The following NCF1 variants were observed in gnomAD, a reference collection of about 807,000 sequenced individuals.
The protein encoded by NCF1 is neutrophil cytosol factor 1.
In NCF1, 8 loss-of-function variants were observed where a neutral mutation model predicts 34.9. The observed-to-expected ratio is 0.23, with a 90% confidence interval of 0.13 to 0.41. The LOEUF (loss-of-function observed/expected upper bound fraction) is 0.41, where lower values mean the gene tolerates loss of function less well. NCF1 is among the 10% of genes least tolerant of loss of function. The pLI is 1.00. For synonymous variants in NCF1, 57 were observed against 146.3 expected (o/e 0.39, Z 4.41); for missense variants, 122 against 362.4 (o/e 0.34, Z 5.39).
chr7:74,786,518 C>G (rs1796677476), intron 8 of NCF1, among the ~76,000 whole-genome samples: 1 of 152,140 alleles, frequency 6.6e-6, no homozygotes, highest in Admixed American at 6.6e-5. Flanking sequence ...TCCCACGTAG[C>G]TGGGACTACA....
At chr7:74,777,539 G>T (rs1236030673) in intron 2 of NCF1, 192 bp downstream of exon 2, 2 of 676,624 alleles carry the variant, frequency 3.0e-6, no homozygotes, top group East Asian at 7.8e-5. Context: ...AACACCTCAT[G>T]TTCTCTGATT....
intron 2 of NCF1, 150 bp downstream of exon 2, chr7:74,777,497 T>C (rs1162196111): frequency 3.5e-6 from 3 of 846,104 alleles, no homozygotes; most frequent in African/African-American, 3.5e-5. Context: ...ATATAAATTT[T>C]TGTGACAGGG....
At chr7:74,785,883 C>CAA (rs1208073697) in intron 8 of NCF1, among the ~76,000 whole-genome samples, 2 of 69,212 alleles carry the variant, frequency 2.9e-5, no homozygotes, top group African/African-American at 1.2e-4. Flanking sequence ...AACTCCGTCT[C>CAA]AAAAAAAAAA....
intron 1 of NCF1, among the ~76,000 whole-genome samples, chr7:74,776,008 A>G: frequency 1.1e-5 from 1 of 90,202 alleles, no homozygotes; most frequent in Admixed American, 1.2e-4. Context: ...GTGCAATGGC[A>G]CAATCTCCAC....
At chr7:74,778,573 G>T (rs1796518542) in intron 2 of NCF1, among the ~76,000 whole-genome samples, 1 of 146,154 alleles carries the variant, frequency 6.8e-6, no homozygotes, top group Non-Finnish European at 1.5e-5. Context: ...ATCCCAAAGA[G>T]ATTTGGGGAT....
At chr7:74,781,794 A>G (rs1307252763) in intron 5 of NCF1, among the ~76,000 whole-genome samples, 1 of 132,976 alleles carries the variant, frequency 7.5e-6, no homozygotes, top group African/African-American at 2.8e-5. Flanking sequence ...CAGCCTCCCA[A>G]AGTGCTGAGA....
chr7:74,777,740 A>G (rs1796500947), intron 2 of NCF1: 1 of 248,600 alleles, frequency 4.0e-6, no homozygotes, highest in Non-Finnish European at 8.0e-6. Context: ...TGTATTTTTT[A>G]TAAAGATGGG....
chr7:74,786,946 GT>G (rs1205293679), intron 8 of NCF1, among the ~76,000 whole-genome samples: 81 of 124,350 alleles, frequency 6.5e-4, no homozygotes, highest in African/African-American at 8.5e-4. Context: ...GTTTTCTTTT[GT>G]TTTTTTTTTC....
intron 8 of NCF1, chr7:74,785,596 T>C (rs1554414437): frequency 2.8e-6 from 1 of 363,086 alleles, no homozygotes; most frequent in African/African-American, 2.1e-5. Context: ...AATAATTACA[T>C]TCCTAGCTAG....
In NCF1 at chr7:74,788,661, C is replaced by T; in HGVS notation, c.1008C>T (p.Arg336=). 6.5e-7 allele frequency: 1 copy of T among 1,549,782 alleles called. No homozygotes were observed. The highest frequency in any genetic ancestry group is 1.2e-5 in the South Asian group (1 of 84,874). The stretch of plus-strand genomic sequence containing the variant: ...GCGTCCGTTTTCTGCAGCAGCGACG[C>T]CGCCAGGCGCGGCCGGGACCGCAGA... ...RNSVRFLQQR[R]RQARPGPQSP... The change falls in exon 10 of 11, where the codon CGC becomes CGT. Residue 336 remains arginine (R), a synonymous_variant. Transcript: ENST00000289473.
rs1405614642 is a variant in NCF1, at chr7:74,788,543, C to A, written c.906-16C>A. 35 of 1,539,560 alleles carry A rather than the reference C, an allele frequency of 2.3e-5. No individual in the cohort carries two copies. The Admixed American group carries it at 6.1e-4, about 27-fold the overall frequency. The stretch of plus-strand genomic sequence containing the variant: ...GCGCCCTCGGGCTTTGACGACGCCC[C>A]GTCCCGCTGGGCCAGGTCGTCCATC... On this transcript the variant is annotated splice_polypyrimidine_tract_variant and intron_variant, in intron 9 of 10. Coordinates refer to ENST00000289473, the MANE Select transcript of NCF1 (RefSeq NM_000265.7).
At position 74,788,486 on chromosome 7, in the gene NCF1, A is replaced by AG. The variant is rs1200334742; in HGVS notation, c.906-69dup. The AG allele has an allele frequency of 2.1e-5, 30 of 1,411,300 alleles. No homozygotes were observed. The African/African-American group carries it at 3.7e-4, about 17-fold the overall frequency. The allele number at this position is 1,411,300 out of a possible 1,614,324, so 87.4% of individuals were successfully genotyped here. A position where few individuals can be genotyped will look rare whatever the true frequency, so the allele number is the denominator to read the frequency against. ...CTACTGCCCCCCACTTCCTCGGACC[A>AG]GGGGTGCCCATCTGAGTCCCTGGGG... On this transcript the variant is annotated intron_variant, in intron 9 of 10. Transcript: ENST00000289473.
In NCF1 at chr7:74,783,565, C is replaced by G. The variant is rs1370198642; in HGVS notation, c.615C>G (p.Ile205Met). ...FCQMKAKRGW[I>M]PASFLEPLDS... Reference sequence around the variant, plus strand: ...AGATGAAAGCAAAGCGAGGCTGGATCCCAGCGTCCTTCCTCGAGCCCCTGG... The same window carrying G: ...AGATGAAAGCAAAGCGAGGCTGGATGCCAGCGTCCTTCCTCGAGCCCCTGG... Residue 205 changes from isoleucine to methionine, a missense_variant, in exon 7 of 11, where the codon ATC (isoleucine) becomes ATG (methionine). Physicochemically the swap from Ile to Met is conservative, Grantham distance 10 (BLOSUM62 1). Transcript: ENST00000289473. 4.3e-6 allele frequency: 7 copies of G among 1,611,808 alleles called. No homozygotes were observed. The highest frequency in any genetic ancestry group is 5.9e-6 in the Non-Finnish European group (7 of 1,179,820).
intron 8 of NCF1, among the ~76,000 whole-genome samples, chr7:74,787,254 C>A (rs707368): frequency 6.6e-6 from 1 of 151,742 alleles, no homozygotes; most frequent in Admixed American, 6.6e-5. Context: ...CCATGACCAA[C>A]ATGGTGAAAT....
At chr7:74,782,786 A>G (rs1202822299) in intron 5 of NCF1, among the ~76,000 whole-genome samples, 153 bp from the exon 6 acceptor site, 3 of 151,898 alleles carry the variant, frequency 2.0e-5, no homozygotes, top group African/African-American at 7.3e-5. Flanking sequence ...TCAGATGAGA[A>G]CAAGGACATG....
chr7:74,781,475 CAATAAT>C (rs1242658752), intron 5 of NCF1: 1 of 91,052 alleles, frequency 1.1e-5, no homozygotes, highest in African/African-American at 4.3e-5. Context: ...CTGCTAATAA[CAATAAT>C]AATAATAATA....
At chr7:74,781,984 A>T (rs1202253548) in intron 5 of NCF1, among the ~76,000 whole-genome samples, 1 of 151,184 alleles carries the variant, frequency 6.6e-6, no homozygotes, top group Non-Finnish European at 1.5e-5. Context: ...GGACTTCAAC[A>T]TATGAATTTT....
intron 10 of NCF1, 27 bp downstream of exon 10, chr7:74,788,731 G>A (rs587768315): frequency 5.2e-6 from 8 of 1,551,824 alleles, no homozygotes; most frequent in Non-Finnish European, 6.9e-6. Context: ...AGGGCAGGAA[G>A]GGCAAGCCCT....
intron 1 of NCF1, among the ~76,000 whole-genome samples, chr7:74,775,533 C>T (rs1796454386): frequency 8.2e-5 from 1 of 12,246 alleles, no homozygotes; most frequent in Admixed American, 7.4e-4. Flanking sequence ...TCAAGGCATT[C>T]TCTTACATAA....
Sources: allele counts gnomAD v4.1 joint callset (sites outside exome capture counted in the v4.1 genomes callset), GRCh38; gene constraint gnomAD v4.1.1; transcripts MANE v1.5; gene names NCBI Gene and HGNC (gene_info 2026-07-23, HGNC 2026-07-21).